Variants in WDFY3 observed in about 807,000 individuals in gnomAD.
WDFY3 encodes the protein WD repeat and FYVE domain-containing protein 3.
A neutral mutation model predicts 409.6 loss-of-function variants in WDFY3; 66 were observed. The observed-to-expected ratio is 0.16, with a 90% CI of 0.13 to 0.20. The LOEUF is 0.20. WDFY3 is among the 10% of genes least tolerant of loss of function. WDFY3 has a pLI of 1.00. For missense variants in WDFY3, 3,031 were observed against 4,298.1 expected, an observed-to-expected ratio of 0.71 and a Z score of 8.24; for synonymous variants, 1,521 against 1,537.1, an observed-to-expected ratio of 0.99 and a Z score of 0.25.
At chr4:84,755,173 A>G in intron 34 of WDFY3, 93 bp downstream of exon 34, 1 of 1,535,016 alleles carries the variant, frequency 6.5e-7, no homozygotes, top group Non-Finnish European at 8.8e-7. Flanking sequence ...CAGTAAATAA[A>G]GTAGTTATGT....
At chr4:84,965,692 C>A (rs1383317334) in intron 1 of WDFY3, 19 of 152,274 alleles carry the variant, frequency 1.2e-4, no homozygotes. Context: ...GGGGAGAGGC[C>A]CGAAGCCCTG....
intron 2 of WDFY3, among the ~76,000 whole-genome samples, chr4:84,931,378 G>C (rs559744619): frequency 1.3e-5 from 2 of 152,282 alleles, no homozygotes; most frequent in South Asian, 4.1e-4. Flanking sequence ...AATCAGTATT[G>C]AGTGCTTAGT....
chr4:84,755,515 T>A, intron 33 of WDFY3, 115 bp from the exon 34 acceptor site: 2 of 1,155,528 alleles, frequency 1.7e-6, no homozygotes, highest in Non-Finnish European at 1.2e-6. Flanking sequence ...TTTTTAAAAG[T>A]AACCAATGAT....
Position 84,671,798 on chromosome 4 carries a change from G to A in WDFY3, c.*1070C>T, listed in dbSNP as rs1725475079. ...TTCAGTTTTACAACAAAGTTTATAT[G>A]TTAATTCTGTACACTTCTTTCTTTC... On this transcript the variant is annotated 3_prime_UTR_variant, in exon 68 of 68. Transcript: ENST00000295888. The A allele has an allele frequency of 1.3e-5, 2 of 152,498 alleles. No homozygotes were observed. Among genetic ancestry groups the A allele is most frequent in the African/African-American group, 4.8e-5 (2 of 41,394 alleles). 9.4% of individuals were successfully genotyped at this position (152,498 alleles called of 1,614,324 possible).
intron 3 of WDFY3, chr4:84,879,535 T>G (rs1399610818): frequency 6.6e-6 from 1 of 152,106 alleles, no homozygotes; most frequent in African/African-American, 2.4e-5. Flanking sequence ...TAAAAATGTT[T>G]AGAAGAAAAT....
chr4:84,773,908 GATGGGGTTTCACC>G (rs1276670212), intron 29 of WDFY3, among the ~76,000 whole-genome samples: 1 of 152,182 alleles, frequency 6.6e-6, no homozygotes, highest in Non-Finnish European at 1.5e-5. Flanking sequence ...TTTTAGTAGA[GATGGGGTTTCACC>G]ATGTTGGGCA....
intron 2 of WDFY3, among the ~76,000 whole-genome samples, chr4:84,902,082 G>A (rs769879335): frequency 4.2e-4 from 64 of 152,118 alleles, no homozygotes; most frequent in Admixed American, 2.1e-3. Context: ...TCACTCTGCT[G>A]CTCTCAAAGC....
In WDFY3 at chr4:84,688,279, C is replaced by T. The variant is rs116623263; in HGVS notation, c.9364-14G>A. 1,389 of 1,608,034 alleles carry T rather than the reference C, an allele frequency of 8.6e-4. 11 individuals are homozygous for T. In the African/African-American group the frequency reaches 0.016, roughly 18 times the overall value. ...GCCCAGTAAGGCCTACGAATGAGAA[C>T]AAACAAACAAAATCAGGTTGATCTC... On this transcript the variant is annotated splice_polypyrimidine_tract_variant and intron_variant, in intron 61 of 67. Coordinates refer to ENST00000295888, the MANE Select transcript of WDFY3 (RefSeq NM_014991.6).
At chr4:84,891,779 C>T (rs1433989772) in intron 3 of WDFY3, among the ~76,000 whole-genome samples, 1 of 152,130 alleles carries the variant, frequency 6.6e-6, no homozygotes, top group Non-Finnish European at 1.5e-5. Flanking sequence ...GGAAACTCTA[C>T]TTTTTGTTTT....
intron 25 of WDFY3, among the ~76,000 whole-genome samples, chr4:84,781,108 C>G (rs1746429996): frequency 6.6e-6 from 1 of 152,002 alleles, no homozygotes; most frequent in Non-Finnish European, 1.5e-5. Flanking sequence ...AAGCAAAGCA[C>G]ATTACTGACC....
chr4:84,897,462 A>C (rs549093664), intron 2 of WDFY3, among the ~76,000 whole-genome samples: 24 of 152,150 alleles, frequency 1.6e-4, no homozygotes, highest in African/African-American at 5.1e-4. Context: ...GGCTTACTGC[A>C]ATCTCCACCT....
intron 24 of WDFY3, among the ~76,000 whole-genome samples, chr4:84,785,661 T>C (rs554774537): frequency 9.2e-5 from 14 of 152,210 alleles, no homozygotes; most frequent in African/African-American, 3.1e-4. Context: ...TAATAGGTCA[T>C]TCGTTAAAAA....
intron 17 of WDFY3, among the ~76,000 whole-genome samples, chr4:84,800,589 A>T (rs1166702282): frequency 6.6e-6 from 1 of 152,228 alleles, no homozygotes; most frequent in Non-Finnish European, 1.5e-5. Flanking sequence ...ACAATCTGAA[A>T]AGATCACATA....
intron 48 of WDFY3, 80 bp downstream of exon 48, chr4:84,718,342 G>T: frequency 4.8e-6 from 7 of 1,461,958 alleles, no homozygotes; most frequent in Admixed American, 2.3e-5. Flanking sequence ...ACAATTTTTT[G>T]ATTAAAAAAG....
At chr4:84,782,337 G>C (rs902835012) in intron 25 of WDFY3, among the ~76,000 whole-genome samples, 1 of 151,936 alleles carries the variant, frequency 6.6e-6, no homozygotes, top group Admixed American at 6.6e-5. Flanking sequence ...TATAGTCAGT[G>C]CTGATCATTA....
At chr4:84,703,619 C>T (rs1731433517) in intron 55 of WDFY3, among the ~76,000 whole-genome samples, 1 of 152,210 alleles carries the variant, frequency 6.6e-6, no homozygotes, top group Non-Finnish European at 1.5e-5. Context: ...AGCCCTTGCA[C>T]AAGCTCTTCC....
At chr4:84,731,829 A>C (rs1332708865) in intron 44 of WDFY3, among the ~76,000 whole-genome samples, 3 of 152,244 alleles carry the variant, frequency 2.0e-5, no homozygotes, top group African/African-American at 7.2e-5. Context: ...ATAATTCAAA[A>C]GTAAATGCCT....
intron 3 of WDFY3, among the ~76,000 whole-genome samples, chr4:84,882,336 G>A (rs998854977): frequency 3.3e-5 from 5 of 152,106 alleles, no homozygotes; most frequent in African/African-American, 1.2e-4. Context: ...AGATGAATCT[G>A]GCGTGAGGTC....
At chr4:84,716,847 T>C (rs769215084) in intron 49 of WDFY3, 49 bp downstream of exon 49, 1 of 1,380,384 alleles carries the variant, frequency 7.2e-7, no homozygotes, top group East Asian at 2.7e-5. Flanking sequence ...AAACAATACA[T>C]TTTCAGAATA....
Sources: allele counts gnomAD v4.1 joint callset (sites outside exome capture counted in the v4.1 genomes callset), GRCh38; gene constraint gnomAD v4.1.1; transcripts MANE v1.5; gene names NCBI Gene and HGNC (gene_info 2026-07-23, HGNC 2026-07-21).